BRIP1: variants seen among roughly 807,000 people sequenced by gnomAD.
BRIP1 encodes the protein BRCA1 interacting DNA helicase 1.
A neutral mutation model predicts 119.7 loss-of-function variants in BRIP1; 88 were observed. That is an observed-to-expected ratio of 0.74 (90% CI 0.62 to 0.88). BRIP1 has a LOEUF of 0.88. Among genes scored for constraint, BRIP1 ranks in the 40% least tolerant of loss-of-function variants. The pLI is 0.00. For synonymous variants in BRIP1, 443 were observed against 496.5 expected (o/e 0.89, Z 1.43); for missense variants, 1,259 against 1,455.4 (o/e 0.87, Z 2.20).
intron 6 of BRIP1, among the ~76,000 whole-genome samples, chr17:61,819,624 C>A (rs1038023420): frequency 6.6e-6 from 1 of 152,054 alleles, no homozygotes; most frequent in Non-Finnish European, 1.5e-5. Context: ...ATAAGCCAGG[C>A]ACAGAAAGAC....
rs2061365919 is a variant in BRIP1 at position 61,686,449 on chromosome 17, A to C, written c.2576-284T>G. ...GAAAACATATTCTCTGGTTAAGAAT[A>C]ACTGGTGAACATGGCAAATTTAATT... On this transcript the variant is annotated intron_variant, in intron 18 of 19. Transcript: ENST00000259008. The surrounding 1 kb of genome is among the most constrained non-coding windows in gnomAD (Gnocchi z 5.4). Among the ~76,000 whole-genome samples, 1 of 152,228 alleles carries C rather than the reference A, an allele frequency of 6.6e-6. No individual in the cohort carries two copies. Among genetic ancestry groups the C allele is most frequent in the Non-Finnish European group, 1.5e-5 (1 of 68,046 alleles).
At chr17:61,786,629 C>G (rs919830854) in intron 10 of BRIP1, among the ~76,000 whole-genome samples, 6 of 145,436 alleles carry the variant, frequency 4.1e-5, no homozygotes, top group African/African-American at 1.2e-4. Flanking sequence ...TTTAACAGCT[C>G]TAATTAATTT....
rs943754369 is a variant in BRIP1 at position 61,799,736 on chromosome 17, C to A, written c.1141-437G>T. The stretch of plus-strand genomic sequence containing the variant: ...ACAATACAAGATTAAAAGCATAAAA[C>A]CTTTAAAAGTAAAATAACAATACAA... On this transcript the variant is annotated intron_variant, in intron 8 of 19. Transcript: ENST00000259008. This position sits in a 1 kb window ranked among gnomAD's most constrained non-coding sequence, Gnocchi z 5.1. Among the ~76,000 whole-genome samples the A allele has an allele frequency of 1.3e-5, 2 of 151,774 alleles. No homozygotes were observed. Among genetic ancestry groups the A allele is most frequent in the African/African-American group, 4.8e-5 (2 of 41,338 alleles).
At chr17:61,790,529 A>C (rs2077799481) in intron 10 of BRIP1, among the ~76,000 whole-genome samples, 1 of 152,138 alleles carries the variant, frequency 6.6e-6, no homozygotes, top group Non-Finnish European at 1.5e-5. Context: ...CTGGGCAACA[A>C]GGGCGAAACT....
Position 61,805,607 on chromosome 17 carries a change from T to A in BRIP1, c.918+2860A>T, listed in dbSNP as rs958440260. 1.3e-5 allele frequency among the ~76,000 whole-genome samples: 2 copies of A among 152,156 alleles called. No individual in the cohort carries two copies. The highest frequency in any genetic ancestry group is 2.4e-5 in the African/African-American group (1 of 41,446). On this transcript the variant is annotated intron_variant, in intron 7 of 19. Coordinates refer to ENST00000259008, the MANE Select transcript of BRIP1 (RefSeq NM_032043.3). This position sits in a 1 kb window ranked among gnomAD's most constrained non-coding sequence, Gnocchi z 5.6. ...CCCATTTTTCTCATGTGACTAAGCA[T>A]CAAAAGAATATTTGAACCAGAAGGC...
At position 61,745,824 on chromosome 17, in the gene BRIP1, A is replaced by G. The variant is rs1198190109; in HGVS notation, c.2098-1233T>C. On this transcript the variant is annotated intron_variant, in intron 14 of 19. Coordinates refer to ENST00000259008, the MANE Select transcript of BRIP1 (RefSeq NM_032043.3). The surrounding 1 kb of genome is among the most constrained non-coding windows in gnomAD (Gnocchi z 4.4). ...TGGAAATACATTTATAGCTTTAAAT[A>G]TATTTATTTTTAAAATGTCAAAATA... is the stretch of plus-strand genomic sequence containing the variant. 1.3e-5 allele frequency among the ~76,000 whole-genome samples: 2 copies of G among 152,256 alleles called. No individual in the cohort carries two copies. The highest frequency in any genetic ancestry group is 1.9e-4 in the East Asian group (1 of 5,208).
At chr17:61,716,094 A>G in intron 16 of BRIP1, 31 bp from the exon 17 acceptor site, 1 of 1,302,982 alleles carries the variant, frequency 7.7e-7, no homozygotes, top group Non-Finnish European at 1.1e-6. Context: ...TTAAAAAATT[A>G]GTAGATAATT....
chr17:61,681,504 C>T lies in BRIP1; in HGVS notation c.*1792G>A, dbSNP rs746869920. The T allele has an allele frequency of 1.2e-4, 25 of 208,260 alleles. No homozygotes were observed. The highest frequency in any genetic ancestry group is 2.1e-4 in the Non-Finnish European group (21 of 102,172). The allele number at this position is 208,260 out of a possible 1,614,324, so 12.9% of individuals were successfully genotyped here. ...GCAGAGCCAGGTGTAGAGCCCAAGT[C>T]TCTTGTCTTCTACCAGGTATTTATT... is the stretch of plus-strand genomic sequence containing the variant. On this transcript the variant is annotated 3_prime_UTR_variant, in exon 20 of 20. Transcript: ENST00000259008. This position sits in a 1 kb window ranked among gnomAD's most constrained non-coding sequence, Gnocchi z 5.1.
rs1194801179 is a variant in BRIP1 at position 61,846,894 on chromosome 17, CTTATT to C, written c.627+202_627+206del. On this transcript the variant is annotated intron_variant, in intron 6 of 19. Transcript: ENST00000259008. The surrounding 1 kb of genome is among the most constrained non-coding windows in gnomAD (Gnocchi z 4.3). ...TCAGATCTCTCTCTAGTCCAATTCT[CTTATT>C]TTATAAATAAGGAAACGAGGCATAG... Among the ~76,000 whole-genome samples, 1 of 152,154 alleles carries C rather than the reference CTTATT, an allele frequency of 6.6e-6. No individual in the cohort carries two copies. The highest frequency in any genetic ancestry group is 1.9e-4 in the East Asian group (1 of 5,198).
At chr17:61,764,606 T>C (rs569931472) in intron 14 of BRIP1, among the ~76,000 whole-genome samples, 1 of 152,310 alleles carries the variant, frequency 6.6e-6, no homozygotes, top group East Asian at 1.9e-4. Flanking sequence ...ATTAACTGGG[T>C]AGATATTAAA....
In BRIP1 at chr17:61,801,321, G is replaced by T. The variant is rs775191379; in HGVS notation, c.1072C>A (p.Leu358Ile). The change falls in exon 8 of 20, where the codon CTA becomes ATA. Residue 358 changes from leucine (L) to isoleucine (I), a missense_variant. Transcript: ENST00000259008. ...KACPYYTARE[L>I]IQDADIIFCP... is the part of the protein sequence containing the mutation. ...AATATGATGTCAGCATCTTGTATTA[G>T]TTCTCGGGCTGTGTAATATGGACAG... 1 of 1,614,016 alleles carries T rather than the reference G, an allele frequency of 6.2e-7. No individual in the cohort carries two copies. Among genetic ancestry groups the T allele is most frequent in the Admixed American group, 1.7e-5 (1 of 60,010 alleles).
chr17:61,747,835 A>C (rs1328506411), intron 14 of BRIP1, among the ~76,000 whole-genome samples: 1 of 152,054 alleles, frequency 6.6e-6, no homozygotes, highest in Admixed American at 6.6e-5. Flanking sequence ...TCCTGGGCTC[A>C]AGCAATCTTC....
chr17:61,783,630 G>A (rs1439298666), intron 11 of BRIP1, among the ~76,000 whole-genome samples: 1 of 151,958 alleles, frequency 6.6e-6, no homozygotes, highest in Non-Finnish European at 1.5e-5. Context: ...CAGGATGAGA[G>A]GGATTGGTTG....
In BRIP1 at chr17:61,860,133, G is replaced by C. The variant is rs1158425669; in HGVS notation, c.94-226C>G. Among the ~76,000 whole-genome samples, 1 of 151,982 alleles carries C rather than the reference G, an allele frequency of 6.6e-6. No individual in the cohort carries two copies. ...AAGCACAAGAGAAGAAATGAAAAGA[G>C]GAATCTGTGCCAGAATTATGCAAGC... On this transcript the variant is annotated intron_variant, in intron 2 of 19. Transcript: ENST00000259008. The surrounding 1 kb of genome is among the most constrained non-coding windows in gnomAD (Gnocchi z 4.1).
rs1229169873 is a variant in BRIP1 at position 61,794,495 on chromosome 17, A to G, written c.1341-766T>C. 6.6e-6 allele frequency among the ~76,000 whole-genome samples: 1 copy of G among 152,076 alleles called. No individual in the cohort carries two copies. Among genetic ancestry groups the G allele is most frequent in the Non-Finnish European group, 1.5e-5 (1 of 68,000 alleles). On this transcript the variant is annotated intron_variant, in intron 9 of 19. Coordinates refer to ENST00000259008, the MANE Select transcript of BRIP1 (RefSeq NM_032043.3). This position sits in a 1 kb window ranked among gnomAD's most constrained non-coding sequence, Gnocchi z 4.3. ...AGTGAGAGCTAAATGATGAGACCAC[A>G]TGGACAAGAGGGGAACAGCACATAC...
At position 61,761,675 on chromosome 17, in the gene BRIP1, G is replaced by C. The variant is rs531755408; in HGVS notation, c.2097+14726C>G. Among the ~76,000 whole-genome samples the C allele has an allele frequency of 6.6e-6, 1 of 151,858 alleles. No homozygotes were observed. The highest frequency in any genetic ancestry group is 2.1e-4 in the South Asian group (1 of 4,824). On this transcript the variant is annotated intron_variant, in intron 14 of 19. Transcript: ENST00000259008. This position sits in a 1 kb window ranked among gnomAD's most constrained non-coding sequence, Gnocchi z 6.4. The stretch of plus-strand genomic sequence containing the variant: ...CTCCTTTTACAATAGCTACCAAAAA[G>C]AGAGAGAAAGAAAGAAAGAAATTTA...
chr17:61,812,876 C>CA (rs2078184100), intron 6 of BRIP1, among the ~76,000 whole-genome samples: 1 of 152,156 alleles, frequency 6.6e-6, no homozygotes, highest in Non-Finnish European at 1.5e-5. Flanking sequence ...GTCCTTGCCA[C>CA]TGTTCCTTTC....
chr17:61,835,406 G>C (rs2078556768), intron 6 of BRIP1, among the ~76,000 whole-genome samples: 1 of 151,986 alleles, frequency 6.6e-6, no homozygotes, highest in African/African-American at 2.4e-5. Context: ...AATATTTATA[G>C]AATTATAACA....
rs1356946592 is a variant in BRIP1 at position 61,748,689 on chromosome 17, A to G, written c.2098-4098T>C. 6.6e-6 allele frequency among the ~76,000 whole-genome samples: 1 copy of G among 152,220 alleles called. No individual in the cohort carries two copies. Among genetic ancestry groups the G allele is most frequent in the East Asian group, 1.9e-4 (1 of 5,200 alleles). On this transcript the variant is annotated intron_variant, in intron 14 of 19. Coordinates refer to ENST00000259008, the MANE Select transcript of BRIP1 (RefSeq NM_032043.3). This position sits in a 1 kb window ranked among gnomAD's most constrained non-coding sequence, Gnocchi z 4.7. ...ACACATGTATGATCAACTGATCTTC[A>G]GCAAGGGTGCCAAAAATACATAATG...
Sources: gnomAD v4.1 joint callset for allele counts (sites outside exome capture counted in the v4.1 genomes callset) on GRCh38, gnomAD v4.1.1 for gene constraint, Gnocchi (gnomAD v3.1) non-coding constraint, MANE v1.5 for transcripts, NCBI Gene and HGNC (gene_info 2026-07-23, HGNC 2026-07-21) for gene names.